The following TNFRSF13B variants were observed in gnomAD, a reference collection of about 807,000 sequenced individuals.
The protein encoded by TNFRSF13B is TNF receptor superfamily member 13B.
A neutral mutation model predicts 24.0 loss-of-function variants in TNFRSF13B; 34 were observed. The observed-to-expected ratio is 1.41, with a 90% CI of 1.08 to 1.88. The LOEUF (loss-of-function observed/expected upper bound fraction) is 1.88. Among genes scored for constraint, TNFRSF13B ranks in the 40% most tolerant of loss-of-function variants. TNFRSF13B has a pLI of 0.00. For missense variants in TNFRSF13B, 415 were observed against 380.8 expected, an observed-to-expected ratio of 1.09 and a Z score of -0.75; for synonymous variants, 173 against 150.3, an observed-to-expected ratio of 1.15 and a Z score of -1.10.
intron 1 of TNFRSF13B, among the ~76,000 whole-genome samples, chr17:16,958,371 T>G (rs2087638760): frequency 6.6e-6 from 1 of 151,826 alleles, no homozygotes. Context: ...TAAATCTTTA[T>G]CAGTGATCAT....
chr17:16,940,096 C>T, intron 4 of TNFRSF13B: 1 of 1,235,036 alleles, frequency 8.1e-7, no homozygotes, highest in Non-Finnish European at 1.1e-6. Context: ...ATCCTGGGCC[C>T]AGGCAAACCT....
chr17:16,971,846 C>T (rs1412846669), intron 1 of TNFRSF13B, among the ~76,000 whole-genome samples, 169 bp downstream of exon 1: 2 of 152,168 alleles, frequency 1.3e-5, no homozygotes, highest in Non-Finnish European at 2.9e-5. Flanking sequence ...CAGAGGCATC[C>T]AGACTCGGGG....
At chr17:16,965,998 T>C (rs961790426) in intron 1 of TNFRSF13B, among the ~76,000 whole-genome samples, 1 of 152,108 alleles carries the variant, frequency 6.6e-6, no homozygotes, top group Non-Finnish European at 1.5e-5. Flanking sequence ...CTCATGCTTG[T>C]AATCCCAGCA....
At chr17:16,959,122 G>A (rs2087644622) in intron 1 of TNFRSF13B, among the ~76,000 whole-genome samples, 1 of 151,920 alleles carries the variant, frequency 6.6e-6, no homozygotes, top group African/African-American at 2.4e-5. Context: ...ATTATTCAAA[G>A]TTTCTTTTCT....
chr17:16,963,908 T>C (rs187596173), intron 1 of TNFRSF13B, among the ~76,000 whole-genome samples: 63 of 152,182 alleles, frequency 4.1e-4, no homozygotes, highest in African/African-American at 1.4e-3. Context: ...GGGCTATGAG[T>C]TGAGCTCACC....
intron 3 of TNFRSF13B, among the ~76,000 whole-genome samples, chr17:16,942,179 G>A (rs764849067): frequency 6.6e-6 from 1 of 152,178 alleles, no homozygotes; most frequent in South Asian, 2.1e-4. Context: ...GCTGGACTGC[G>A]TTGCACAGCA....
At position 16,948,755 on chromosome 17, in the gene TNFRSF13B, C is replaced by T. The variant is rs1462775060; in HGVS notation, c.428G>A (p.Gly143Asp). Residue 143 changes from glycine to aspartate, a missense_variant, in exon 3 of 5, where the codon GGC becomes GAC. Gly to Asp is a moderately conservative substitution (Grantham distance 94). Coordinates refer to ENST00000261652, the MANE Select transcript of TNFRSF13B (RefSeq NM_012452.3). ...SGRYQGLEHR[G>D]SEASPALPGL... ...TGGCTTACCTGGACTTGCTTCTGAG[C>T]CTCTGTGCTCCAATCCTTGGTACCT... is the stretch of plus-strand genomic sequence containing the variant. The T allele has an allele frequency of 6.2e-6, 10 of 1,613,994 alleles. No individual in the cohort carries two copies. Among genetic ancestry groups the T allele is most frequent in the Non-Finnish European group, 8.5e-6 (10 of 1,180,050 alleles).
intron 1 of TNFRSF13B, among the ~76,000 whole-genome samples, chr17:16,958,869 G>A: frequency 6.6e-6 from 1 of 151,910 alleles, no homozygotes; most frequent in East Asian, 1.9e-4. Flanking sequence ...CTAATATTGG[G>A]ATATTTCAGT....
intron 3 of TNFRSF13B, 21 bp downstream of exon 3, chr17:16,948,717 G>C: frequency 6.2e-7 from 1 of 1,613,356 alleles, no homozygotes; most frequent in Non-Finnish European, 8.5e-7. Context: ...ACACCATGCA[G>C]GTTTGCCTTG....
chr17:16,953,203 C>T (rs1311757974), intron 1 of TNFRSF13B, among the ~76,000 whole-genome samples: 1 of 152,190 alleles, frequency 6.6e-6, no homozygotes, highest in African/African-American at 2.4e-5. Flanking sequence ...GCTGAGTCCT[C>T]AGAACCTAGA....
intron 4 of TNFRSF13B, 43 bp from the exon 5 acceptor site, chr17:16,939,840 G>T: frequency 6.3e-7 from 1 of 1,593,640 alleles, no homozygotes. Flanking sequence ...GCCTGGCCCT[G>T]CACTAGGGTA....
At chr17:16,939,987 C>A in intron 4 of TNFRSF13B, 190 bp from the exon 5 acceptor site, 1 of 994,490 alleles carries the variant, frequency 1.0e-6, no homozygotes, top group Non-Finnish European at 1.4e-6. Context: ...GGTGGGCAGG[C>A]AATTCTTGGC....
intron 1 of TNFRSF13B, among the ~76,000 whole-genome samples, chr17:16,955,067 A>G (rs923530502): frequency 4.6e-5 from 7 of 152,246 alleles, no homozygotes; most frequent in Admixed American, 2.6e-4. Flanking sequence ...AGGCACTGAC[A>G]GCGGGAGATT....
At chr17:16,951,980 A>G (rs531676708) in intron 2 of TNFRSF13B, among the ~76,000 whole-genome samples, 3 of 152,380 alleles carry the variant, frequency 2.0e-5, no homozygotes, top group Admixed American at 6.5e-5. Flanking sequence ...CAGAATTTAA[A>G]CAATTTGTGA....
intron 2 of TNFRSF13B, among the ~76,000 whole-genome samples, chr17:16,951,600 C>A (rs1374299476): frequency 6.6e-6 from 1 of 152,138 alleles, no homozygotes; most frequent in Non-Finnish European, 1.5e-5. Context: ...TTAAAATACA[C>A]AAGGCAGGCT....
chr17:16,946,580 AT>A (rs1210508414), intron 3 of TNFRSF13B, among the ~76,000 whole-genome samples: 1 of 146,728 alleles, frequency 6.8e-6, no homozygotes, highest in African/African-American at 2.5e-5. Flanking sequence ...TTTTATTTTT[AT>A]TTATTTATTT....
chr17:16,967,184 C>T (rs2087707673), intron 1 of TNFRSF13B, among the ~76,000 whole-genome samples: 1 of 151,974 alleles, frequency 6.6e-6, no homozygotes, highest in African/African-American at 2.4e-5. Context: ...AGTAACCCAA[C>T]ATCCATCAGC....
At chr17:16,958,340 C>A (rs1424030143) in intron 1 of TNFRSF13B, among the ~76,000 whole-genome samples, 1 of 151,220 alleles carries the variant, frequency 6.6e-6, no homozygotes, top group Non-Finnish European at 1.5e-5. Flanking sequence ...ATACATAAAA[C>A]AAATATATAA....
At chr17:16,967,493 A>T (rs1346946799) in intron 1 of TNFRSF13B, among the ~76,000 whole-genome samples, 2 of 151,758 alleles carry the variant, frequency 1.3e-5, no homozygotes, top group East Asian at 3.9e-4. Context: ...AGTGGCTCAC[A>T]CCTGTAATCC....
Sources: gnomAD v4.1 joint callset for allele counts (sites outside exome capture counted in the v4.1 genomes callset) on GRCh38, gnomAD v4.1.1 for gene constraint, MANE v1.5 for transcripts, NCBI Gene and HGNC (gene_info 2026-07-23, HGNC 2026-07-21) for gene names.